Variants in ZNF274 observed in about 807,000 individuals in gnomAD.
ZNF274 encodes neurotrophin receptor-interacting factor homolog.
A neutral mutation model predicts 42.5 loss-of-function variants in ZNF274; 23 were observed. The observed-to-expected ratio is 0.54, with a 90% CI of 0.39 to 0.77. The LOEUF (loss-of-function observed/expected upper bound fraction) is 0.77, where lower values mean the gene tolerates loss of function less well. Among genes scored for constraint, ZNF274 ranks in the 30% least tolerant of loss-of-function variants. ZNF274 has a pLI of 0.00. For missense variants in ZNF274, 679 were observed against 806.5 expected, an observed-to-expected ratio of 0.84 and a Z score of 1.91; for synonymous variants, 292 against 305.4, an observed-to-expected ratio of 0.96 and a Z score of 0.46.
At position 58,189,795 on chromosome 19, in the gene ZNF274, T is replaced by G. The variant is rs1210233240; in HGVS notation, c.256+2753T>G. Among the ~76,000 whole-genome samples, 8 of 152,288 alleles carry G rather than the reference T, an allele frequency of 5.3e-5. No individual in the cohort carries two copies. In the South Asian group the frequency reaches 1.4e-3, roughly 28 times the overall value. ...CCTGCCTCATGGTCTTGCATAGTTG[T>G]TCCAGATGAACCTGTCATGCTCTTA... On this transcript the variant is annotated intron_variant, in intron 4 of 7. Transcript: ENST00000617501.
chr19:58,211,535 C>G lies in ZNF274; in HGVS notation c.853-25C>G. 6.2e-7 allele frequency: 1 copy of G among 1,603,748 alleles called. No homozygotes were observed. Among genetic ancestry groups the G allele is most frequent in the Non-Finnish European group, 8.5e-7 (1 of 1,173,964 alleles). ...ACAACCCTCTGACCCTCTTGCTGAG[C>G]ATAGACACATATGTGATGTTACAGG... On this transcript the variant is annotated intron_variant, in intron 6 of 7. Coordinates refer to ENST00000617501, the MANE Select transcript of ZNF274 (RefSeq NM_133502.3). The surrounding 1 kb of genome is among the most constrained non-coding windows in gnomAD (Gnocchi z 4.8).
At chr19:58,205,826 T>C (rs1181619188) in intron 4 of ZNF274, among the ~76,000 whole-genome samples, 1 of 152,240 alleles carries the variant, frequency 6.6e-6, no homozygotes, top group Non-Finnish European at 1.5e-5. Context: ...CAGTGGAGGT[T>C]GGAGAAGGTT....
At chr19:58,203,050 T>C (rs1476114169) in intron 4 of ZNF274, among the ~76,000 whole-genome samples, 2 of 152,116 alleles carry the variant, frequency 1.3e-5, no homozygotes, top group African/African-American at 4.8e-5. Flanking sequence ...AATCCCTCGA[T>C]TAAGGAATAC....
chr19:58,195,196 CA>C (rs11384650), intron 4 of ZNF274, among the ~76,000 whole-genome samples: 309 of 122,416 alleles, frequency 2.5e-3, no homozygotes, highest in Non-Finnish European at 2.9e-3. Flanking sequence ...GACTCTGTCT[CA>C]AAAAAAAAAA....
chr19:58,200,465 TTGG>T (rs780665599), intron 4 of ZNF274, among the ~76,000 whole-genome samples: 1 of 152,058 alleles, frequency 6.6e-6, no homozygotes, highest in Non-Finnish European at 1.5e-5. Flanking sequence ...ATGGGATACA[TTGG>T]TGGGGGACAA....
intron 4 of ZNF274, among the ~76,000 whole-genome samples, chr19:58,201,106 G>A (rs1018095136): frequency 6.6e-6 from 1 of 151,564 alleles, no homozygotes; most frequent in African/African-American, 2.4e-5. Flanking sequence ...CTGAGTTCAA[G>A]CGATTCTCCC....
At chr19:58,210,586 A>C (rs260419) in intron 6 of ZNF274, 24,527 of 152,534 alleles carry the variant, frequency 0.16, 2,473 homozygotes, top group East Asian at 0.36. Context: ...TACTGGCTCA[A>C]GCGTAGAAGT....
chr19:58,193,995 G>T (rs944505850), intron 4 of ZNF274, among the ~76,000 whole-genome samples: 3 of 152,070 alleles, frequency 2.0e-5, no homozygotes, highest in African/African-American at 7.2e-5. Context: ...AGATGTGGTG[G>T]CTCACACCTG....
intron 4 of ZNF274, among the ~76,000 whole-genome samples, chr19:58,197,928 G>T (rs2075862974): frequency 1.3e-5 from 2 of 152,176 alleles, no homozygotes; most frequent in African/African-American, 4.8e-5. Flanking sequence ...TGTAAATCGT[G>T]ATCCTCTTAT....
chr19:58,186,570 C>G (rs115085974), intron 3 of ZNF274, among the ~76,000 whole-genome samples: 2,197 of 145,934 alleles, frequency 0.015, 44 homozygotes, highest in African/African-American at 0.053. Context: ...CCTTCAAACT[C>G]TGGTTATTGT....
rs1176913462 is a variant in ZNF274 at position 58,209,988 on chromosome 19, G to A, written c.767G>A (p.Gly256Asp). Residue 256 changes from glycine (G) to aspartate (D), a missense_variant, in exon 6 of 8, where the codon GGC becomes GAC. Physicochemically the swap from Gly to Asp is moderately conservative, Grantham distance 94. Coordinates refer to ENST00000617501, the MANE Select transcript of ZNF274 (RefSeq NM_133502.3). ...CTTCCTGCAGGACAACCTGCCGAGG[G>A]CACCACCTGCTGCCTCGAGGTCACT... Reference protein sequence around the residue: ...EVLPAGQPAEGTTCCLEVTAQ... With the variant: ...EVLPAGQPAEDTTCCLEVTAQ... 3 of 1,613,394 alleles carry A rather than the reference G, an allele frequency of 1.9e-6. No homozygotes were observed. Among genetic ancestry groups the A allele is most frequent in the Non-Finnish European group, 2.5e-6 (3 of 1,179,728 alleles).
chr19:58,198,040 G>A (rs1246198431), intron 4 of ZNF274, among the ~76,000 whole-genome samples: 1 of 151,988 alleles, frequency 6.6e-6, no homozygotes, highest in Non-Finnish European at 1.5e-5. Flanking sequence ...AACGAACTAA[G>A]TGTTTGAAGC....
intron 4 of ZNF274, among the ~76,000 whole-genome samples, chr19:58,191,791 G>A (rs1329555485): frequency 4.6e-5 from 7 of 152,192 alleles, no homozygotes; most frequent in Admixed American, 3.9e-4. Context: ...ATTAGATGCT[G>A]TCCTTCCTCT....
intron 4 of ZNF274, among the ~76,000 whole-genome samples, chr19:58,199,211 C>CA (rs912732719): frequency 3.3e-5 from 5 of 151,552 alleles, no homozygotes; most frequent in African/African-American, 1.2e-4. Context: ...ACTAAAACTA[C>CA]AAAAAATAGC....
intron 2 of ZNF274, chr19:58,184,206 G>C (rs2075667951): frequency 1.7e-6 from 1 of 578,916 alleles, no homozygotes; most frequent in Admixed American, 3.1e-5. Flanking sequence ...ATAGAGACCA[G>C]ATTGTAGGGG....
At chr19:58,205,183 T>C (rs1440257533) in intron 4 of ZNF274, among the ~76,000 whole-genome samples, 1 of 152,226 alleles carries the variant, frequency 6.6e-6, no homozygotes, top group Non-Finnish European at 1.5e-5. Flanking sequence ...GCTGTGGCTT[T>C]GCTAGTTCAT....
intron 4 of ZNF274, among the ~76,000 whole-genome samples, chr19:58,189,116 A>G (rs1368541855): frequency 6.6e-6 from 1 of 151,376 alleles, no homozygotes; most frequent in Non-Finnish European, 1.5e-5. Flanking sequence ...GAGTTCATAT[A>G]TTTTCTCATT....
rs1175920155 is a variant in ZNF274, at chr19:58,188,716, A to ATATATG, written c.256+1679_256+1680insGTATAT. On this transcript the variant is annotated intron_variant, in intron 4 of 7. Coordinates refer to ENST00000617501, the MANE Select transcript of ZNF274 (RefSeq NM_133502.3). ...TATGTATATATATATATATATATAT[A>ATATATG]TATATATAAATCTTTAAAAATAGGC... Among the ~76,000 whole-genome samples, 3 of 133,734 alleles carry ATATATG rather than the reference A, an allele frequency of 2.2e-5. 1 individual carries two copies. Among genetic ancestry groups the ATATATG allele is most frequent in the African/African-American group, 8.6e-5 (3 of 34,974 alleles). 87.7% of individuals were successfully genotyped at this position (133,734 alleles called of 152,430 possible). A position where few individuals can be genotyped will look rare whatever the true frequency, so the allele number is the denominator to read the frequency against.
At chr19:58,193,935 T>C (rs1329978033) in intron 4 of ZNF274, among the ~76,000 whole-genome samples, 16 of 151,498 alleles carry the variant, frequency 1.1e-4, no homozygotes, top group Admixed American at 6.6e-4. Context: ...CAAAAAAATA[T>C]ATCTATATCT....
Sources: allele counts gnomAD v4.1 joint callset (sites outside exome capture counted in the v4.1 genomes callset), GRCh38; gene constraint gnomAD v4.1.1; non-coding constraint Gnocchi (gnomAD v3.1); transcripts MANE v1.5; gene names NCBI Gene and HGNC (gene_info 2026-07-23, HGNC 2026-07-21).